The following MTERF4 variants were observed in gnomAD, a reference collection of about 807,000 sequenced individuals.
MTERF4 encodes the protein transcription termination factor 4, mitochondrial.
A neutral mutation model predicts 22.5 loss-of-function variants in MTERF4; 17 were observed. The observed-to-expected ratio is 0.75, with a 90% CI of 0.52 to 1.13. The LOEUF (loss-of-function observed/expected upper bound fraction) is 1.13. Among genes scored for constraint, MTERF4 ranks in the 50% most tolerant of loss-of-function variants. The pLI is 0.00. For missense variants in MTERF4, 420 were observed against 466.8 expected (o/e 0.90, Z 0.92); for synonymous variants, 165 against 175.3 (o/e 0.94, Z 0.47).
At chr2:241,049,104 C>T in the MTERF4 span, 5 of 1,611,892 alleles carry the variant, frequency 3.1e-6, no homozygotes, top group Admixed American at 5.0e-5. Context: ...GCTACCTCTG[C>T]GTCTGCCACA....
At chr2:241,049,263 G>A in the MTERF4 span, 3 of 673,936 alleles carry the variant, frequency 4.5e-6, no homozygotes, top group South Asian at 3.6e-5. Flanking sequence ...GCTGGCACCT[G>A]GGGAAGCCTC....
At chr2:241,083,732 A>G (rs943717226), downstream of MTERF4, among the ~76,000 whole-genome samples, 2 of 152,170 alleles carry the variant, frequency 1.3e-5, no homozygotes, top group East Asian at 3.9e-4. Flanking sequence ...AAAGCATTCT[A>G]TCCTTTCACT....
intron 1 of MTERF4, chr2:241,101,037 A>T (rs1478095512): frequency 2.4e-6 from 1 of 408,598 alleles, no homozygotes; most frequent in Non-Finnish European, 5.2e-6. Flanking sequence ...GACTGGCTTC[A>T]TGGAAGACAA....
the MTERF4 span, chr2:241,049,992 G>C: frequency 3.2e-6 from 4 of 1,246,472 alleles, no homozygotes; most frequent in Non-Finnish European, 3.5e-6. Context: ...CCCGCGGTCC[G>C]CCGTCCTGCT....
chr2:241,082,318 G>A (rs572761965), downstream of MTERF4: 93 of 1,613,622 alleles, frequency 5.8e-5, no homozygotes, highest in African/African-American at 1.9e-4. Context: ...GCTGTTCTCC[G>A]AGACAAAGGC....
Position 241,078,297 on chromosome 2 carries a change from C to G in MTERF4, n.480-2615G>C, listed in dbSNP as rs551869817. ...CCTCAGGAGGCTGAGGCAGGAGAAT[C>G]GCTTGAACCCGGGAGGTGGAGTTTG... On this transcript the variant is annotated intron_variant and non_coding_transcript_variant, in intron 4 of 4. Transcript: ENST00000464344. 7.5e-4 allele frequency among the ~76,000 whole-genome samples: 113 copies of G among 150,572 alleles called. 1 individual carries two copies. The Middle Eastern group carries it at 0.034, about 46-fold the overall frequency.
Position 241,096,977 on chromosome 2 carries a change from T to C in MTERF4, c.705+266A>G, listed in dbSNP as rs1381246608. ...TATTAATGGCAGAAAAGTTGAAGAATAGGTTTGATCTGTAGTAAAGAAATT... is the reference window on the plus strand; with the variant it reads ...TATTAATGGCAGAAAAGTTGAAGAACAGGTTTGATCTGTAGTAAAGAAATT... On this transcript the variant is annotated intron_variant, in intron 3 of 3. Transcript: ENST00000391980. The surrounding 1 kb of genome is among the most constrained non-coding windows in gnomAD (Gnocchi z 5.1). The C allele has an allele frequency of 1.3e-4, 75 of 588,326 alleles. No individual in the cohort carries two copies. Among genetic ancestry groups the C allele is most frequent in the South Asian group, 1.2e-3 (54 of 45,830 alleles). 36.4% of individuals were successfully genotyped at this position (588,326 alleles called of 1,614,324 possible).
exon 5 of MTERF4, chr2:241,072,312 C>T (rs866140673): frequency 9.3e-6 from 4 of 429,034 alleles, no homozygotes; most frequent in African/African-American, 4.0e-5. Context: ...AAGATCTTCC[C>T]GGTGGCAGCA....
intron 4 of MTERF4, among the ~76,000 whole-genome samples, chr2:241,080,711 A>G (rs972476456): frequency 6.6e-6 from 1 of 152,250 alleles, no homozygotes; most frequent in African/African-American, 2.4e-5. Context: ...AAATATACCA[A>G]TATCTCTGTG....
downstream of MTERF4, chr2:241,089,287 A>C: frequency 6.5e-7 from 1 of 1,548,568 alleles, no homozygotes; most frequent in Non-Finnish European, 8.7e-7. Context: ...CTCACAGTTC[A>C]TCTTCCTGGT....
downstream of MTERF4, among the ~76,000 whole-genome samples, chr2:241,083,266 GC>G (rs1431137506): frequency 1.3e-5 from 2 of 152,186 alleles, no homozygotes; most frequent in African/African-American, 4.8e-5. Context: ...AGTTACCAGG[GC>G]CCCAAGTCAG....
downstream of MTERF4, chr2:241,093,221 G>A (rs1408590031): frequency 6.6e-6 from 1 of 152,584 alleles, no homozygotes; most frequent in African/African-American, 2.4e-5. Context: ...CTCAGCGAAG[G>A]GTCACTGGGT....
At chr2:241,090,288 G>A, downstream of MTERF4, 2 of 1,547,358 alleles carry the variant, frequency 1.3e-6, no homozygotes, top group Non-Finnish European at 8.7e-7. Flanking sequence ...ACAGGGGCAG[G>A]ATCATCCATG....
intron 4 of MTERF4, among the ~76,000 whole-genome samples, chr2:241,078,313 G>A (rs2063140083): frequency 6.6e-6 from 1 of 151,152 alleles, no homozygotes; most frequent in African/African-American, 2.5e-5. Flanking sequence ...AACCCGGGAG[G>A]TGGAGTTTGC....
At chr2:241,048,357 A>T in the MTERF4 span, 5 of 1,611,584 alleles carry the variant, frequency 3.1e-6, no homozygotes, top group Non-Finnish European at 4.2e-6. Flanking sequence ...GCCCCTTGCC[A>T]CAATGGGGGC....
chr2:241,046,251 T>C, the MTERF4 span, among the ~76,000 whole-genome samples: 2 of 152,256 alleles, frequency 1.3e-5, no homozygotes, highest in African/African-American at 4.8e-5. Flanking sequence ...TTGGCAGGTT[T>C]TTTATAAGGT....
At chr2:241,071,692 G>GC, downstream of MTERF4, 1 of 1,527,512 alleles carries the variant, frequency 6.5e-7, no homozygotes, top group Non-Finnish European at 8.8e-7. Context: ...TGACCACAGC[G>GC]CCCCCGAGAC....
chr2:241,052,309 C>T, the MTERF4 span: 17 of 1,514,654 alleles, frequency 1.1e-5, no homozygotes, highest in Non-Finnish European at 1.5e-5. Flanking sequence ...CAGTCCCGAG[C>T]CTTCAGGGAA....
chr2:241,099,330 C>G, intron 2 of MTERF4, 66 bp downstream of exon 2: 1 of 1,530,378 alleles, frequency 6.5e-7, no homozygotes, highest in South Asian at 1.2e-5. Flanking sequence ...CTGCCTCGGC[C>G]TCCCAAAGAT....
Sources: gnomAD v4.1 joint callset for allele counts (sites outside exome capture counted in the v4.1 genomes callset) on GRCh38, gnomAD v4.1.1 for gene constraint, Gnocchi (gnomAD v3.1) non-coding constraint, MANE v1.5 for transcripts, NCBI Gene and HGNC (gene_info 2026-07-23, HGNC 2026-07-21) for gene names.